TRPC3: variants seen among roughly 807,000 people sequenced by gnomAD.
TRPC3 encodes short transient receptor potential channel 3.
A neutral mutation model predicts 90.9 loss-of-function variants in TRPC3; 54 were observed. The ratio of observed to expected loss-of-function variants is 0.59; its 90% CI spans 0.48 to 0.75. The LOEUF is 0.75. TRPC3 is among the 30% of genes least tolerant of loss of function. The pLI is 0.00. For synonymous variants in TRPC3, 424 were observed against 450.9 expected (o/e 0.94, Z 0.75); for missense variants, 918 against 1,194.5 (o/e 0.77, Z 3.41).
intron 2 of TRPC3, 94 bp from the exon 3 acceptor site, chr4:121,925,300 TG>T: frequency 7.4e-7 from 1 of 1,354,254 alleles, no homozygotes; most frequent in Non-Finnish European, 9.9e-7. Context: ...TCCCTTCTTT[TG>T]GGGGTAGAAA....
chr4:121,916,395 G>A (rs534016611), intron 3 of TRPC3, among the ~76,000 whole-genome samples: 2 of 152,294 alleles, frequency 1.3e-5, no homozygotes, highest in East Asian at 3.9e-4. Context: ...CGTACTTAAC[G>A]ACCCACAGAC....
At chr4:121,894,779 G>T (rs1450523234) in intron 10 of TRPC3, among the ~76,000 whole-genome samples, 5 of 151,760 alleles carry the variant, frequency 3.3e-5, no homozygotes, top group Admixed American at 1.3e-4. Context: ...GCCCAGGCTG[G>T]TCTCAAACTC....
intron 5 of TRPC3, 100 bp downstream of exon 5, chr4:121,911,777 C>A: frequency 2.5e-6 from 3 of 1,192,012 alleles, no homozygotes; most frequent in Non-Finnish European, 3.5e-6. Flanking sequence ...GATGTTGTCA[C>A]CATATAAGAT....
At chr4:121,940,393 A>G (rs1730267708) in intron 1 of TRPC3, among the ~76,000 whole-genome samples, 3 of 152,316 alleles carry the variant, frequency 2.0e-5, no homozygotes, top group African/African-American at 7.2e-5. Flanking sequence ...CCTACTCAGT[A>G]AGTGGGAGGC....
chr4:121,879,894 T>C lies in TRPC3; in HGVS notation c.2624-16A>G. 1 of 1,517,882 alleles carries C rather than the reference T, an allele frequency of 6.6e-7. No individual in the cohort carries two copies. Among genetic ancestry groups the C allele is most frequent in the Non-Finnish European group, 8.8e-7 (1 of 1,141,408 alleles). The allele number at this position is 1,517,882 out of a possible 1,614,324, so 94.0% of individuals were successfully genotyped here. ...TTTAATTCACCTATAGTATTGATATTAAAAAATTATTGGTAAGTTGCTCTT... is the reference window on the plus strand; with the variant it reads ...TTTAATTCACCTATAGTATTGATATCAAAAAATTATTGGTAAGTTGCTCTT... On this transcript the variant is annotated splice_polypyrimidine_tract_variant and intron_variant, in intron 11 of 11. Transcript: ENST00000379645.
intron 3 of TRPC3, among the ~76,000 whole-genome samples, chr4:121,921,260 C>T (rs1434698473): frequency 2.0e-5 from 3 of 151,972 alleles, no homozygotes; most frequent in African/African-American, 4.8e-5. Flanking sequence ...CGGTGGCTCA[C>T]GCCTGTAATC....
In TRPC3 at chr4:121,910,301, T is replaced by A. The variant is rs1341223949; in HGVS notation, c.1645A>T (p.Met549Leu). The change falls in exon 6 of 12, where the codon ATG (methionine) becomes TTG (leucine). Residue 549 changes from methionine (M) to leucine (L), a missense_variant. Met to Leu is a conservative substitution (Grantham distance 15, BLOSUM62 2). This residue lies in a region of TRPC3 where 147 missense variants were observed against 263.5 expected (regional missense o/e 0.56). Coordinates refer to ENST00000379645, the MANE Select transcript of TRPC3 (RefSeq NM_001130698.2). ...LQLWNVLDFG[M>L]LSIFIAAFTA... Reference sequence around the variant, plus strand: ...AAAGCAGCAATGAAGATGGACAGCATCCCAAAGTCAAGCACATTCCACAAC... The same window carrying A: ...AAAGCAGCAATGAAGATGGACAGCAACCCAAAGTCAAGCACATTCCACAAC... The A allele has an allele frequency of 6.2e-7, 1 of 1,613,758 alleles. No homozygotes were observed. The highest frequency in any genetic ancestry group is 1.7e-5 in the Admixed American group (1 of 59,976).
rs1163932789 is a variant in TRPC3 at position 121,875,889 on chromosome 4, ATTTTT to A, written c.*3842_*3846del. 8.0e-5 allele frequency among the ~76,000 whole-genome samples: 6 copies of A among 75,120 alleles called. No individual in the cohort carries two copies. The highest frequency in any genetic ancestry group is 3.6e-4 in the East Asian group (1 of 2,774). 49.3% of individuals were successfully genotyped at this position (75,120 alleles called of 152,430 possible). Reference sequence around the variant, plus strand: ...ACAAAGTTATAAATACCCATTTTAGATTTTTTTTTTTTTTTTTTTTTTTTTTTGTG... The same window carrying A: ...ACAAAGTTATAAATACCCATTTTAGATTTTTTTTTTTTTTTTTTTTTTGTG... On this transcript the variant is annotated 3_prime_UTR_variant, in exon 12 of 12. Transcript: ENST00000379645.
rs1730743101 is a variant in TRPC3, at chr4:121,951,408, C to T, written c.215+58G>A. On this transcript the variant is annotated intron_variant, in intron 1 of 11. Transcript: ENST00000379645. This position sits in a 1 kb window ranked among gnomAD's most constrained non-coding sequence, Gnocchi z 4.4. ...TGGAGCCGCCCGGCGCGCGCCTTCC[C>T]GCCCCCCGCCCGGCACCGCCCTCCG... 1 of 1,121,992 alleles carries T rather than the reference C, an allele frequency of 8.9e-7. No individual in the cohort carries two copies. The highest frequency in any genetic ancestry group is 1.6e-5 in the African/African-American group (1 of 60,724). The allele number at this position is 1,121,992 out of a possible 1,614,324, so 69.5% of individuals were successfully genotyped here. A position where few individuals can be genotyped will look rare whatever the true frequency, so the allele number is the denominator to read the frequency against.
chr4:121,936,352 T>C (rs1023577323), intron 1 of TRPC3, among the ~76,000 whole-genome samples: 1 of 152,202 alleles, frequency 6.6e-6, no homozygotes, highest in Non-Finnish European at 1.5e-5. Flanking sequence ...ATGTTAACAC[T>C]AAAATTATTT....
chr4:121,941,445 G>C (rs1409663005), intron 1 of TRPC3, among the ~76,000 whole-genome samples: 1 of 152,190 alleles, frequency 6.6e-6, no homozygotes, highest in African/African-American at 2.4e-5. Context: ...GGGCAAGAAG[G>C]GCAGATGGAG....
At chr4:121,909,241 A>C (rs571098743) in intron 6 of TRPC3, among the ~76,000 whole-genome samples, 8 of 152,216 alleles carry the variant, frequency 5.3e-5, no homozygotes, top group Admixed American at 5.2e-4. Context: ...TACATCTTAT[A>C]TTTTGGAGCG....
Position 121,924,866 on chromosome 4 carries a change from T to A in TRPC3, c.1176+152A>T, listed in dbSNP as rs576190873. 10 of 796,422 alleles carry A rather than the reference T, an allele frequency of 1.3e-5. No individual in the cohort carries two copies. In the African/African-American group the frequency reaches 1.8e-4, roughly 14 times the overall value. 49.3% of individuals were successfully genotyped at this position (796,422 alleles called of 1,614,324 possible). On this transcript the variant is annotated intron_variant, in intron 3 of 11. Transcript: ENST00000379645. ...GCACATGCCATCATGCCCAGCTAAT[T>A]TTGTTTCTTTTTTGTACAGACACAG...
chr4:121,899,407 C>A (rs953633837), intron 10 of TRPC3, among the ~76,000 whole-genome samples: 2 of 152,052 alleles, frequency 1.3e-5, no homozygotes, highest in African/African-American at 4.8e-5. Context: ...AAGTCTCCTC[C>A]AACTAACATA....
intron 8 of TRPC3, among the ~76,000 whole-genome samples, chr4:121,903,440 A>C (rs1728770636): frequency 6.6e-6 from 1 of 152,056 alleles, no homozygotes; most frequent in Non-Finnish European, 1.5e-5. Flanking sequence ...CTCCTTCCTC[A>C]CCTATACCTA....
At chr4:121,930,852 A>AC (rs1434129403) in intron 2 of TRPC3, 1 of 392,658 alleles carries the variant, frequency 2.5e-6, no homozygotes, top group Non-Finnish European at 4.8e-6. Context: ...AAAAAAAAAA[A>AC]ACATTTTGGG....
intron 10 of TRPC3, among the ~76,000 whole-genome samples, chr4:121,890,706 G>A (rs1323693300): frequency 2.0e-5 from 3 of 152,090 alleles, no homozygotes; most frequent in African/African-American, 7.2e-5. Context: ...AAAGGCCATA[G>A]TGTGGCCAGG....
intron 4 of TRPC3, among the ~76,000 whole-genome samples, chr4:121,912,963 AC>A (rs963271532): frequency 2.0e-5 from 3 of 152,286 alleles, no homozygotes; most frequent in Middle Eastern, 3.4e-3. Flanking sequence ...ACACTCTCAG[AC>A]CCTGCTTTTT....
In TRPC3 at chr4:121,882,394, C is replaced by T; in HGVS notation, c.2583G>A (p.Leu861=). ...CATTTTCTTTGTCTACTTGTGCTTT[C>T]AAAACATACCGCTTTATAAGTCTTT... The part of the protein sequence containing the change: ...IMKRLIKRYV[L]KAQVDKENDE... The change falls in exon 11 of 12, where the codon TTG becomes TTA. Residue 861 remains leucine, a synonymous_variant. Coordinates refer to ENST00000379645, the MANE Select transcript of TRPC3 (RefSeq NM_001130698.2). The T allele has an allele frequency of 6.2e-7, 1 of 1,610,456 alleles. No homozygotes were observed. Among genetic ancestry groups the T allele is most frequent in the South Asian group, 1.1e-5 (1 of 90,728 alleles).
Sources: gnomAD v4.1 joint callset for allele counts (sites outside exome capture counted in the v4.1 genomes callset) on GRCh38, gnomAD v4.1.1 for gene constraint, gnomAD v4.1.1 regional missense constraint, Gnocchi (gnomAD v3.1) non-coding constraint, MANE v1.5 for transcripts, NCBI Gene and HGNC (gene_info 2026-07-23, HGNC 2026-07-21) for gene names.